Variants in MEF2B observed in about 807,000 individuals in gnomAD.
MEF2B encodes the protein myocyte-specific enhancer factor 2B.
MEF2B carries 15 observed loss-of-function variants against 32.2 expected under a neutral mutation model. That is an observed-to-expected ratio of 0.47 (90% CI 0.31 to 0.72). MEF2B has a LOEUF of 0.72. Among genes scored for constraint, MEF2B ranks in the 30% least tolerant of loss-of-function variants. MEF2B has a pLI of 0.05. For synonymous variants in MEF2B, 205 were observed against 225.6 expected, an observed-to-expected ratio of 0.91 and a Z score of 0.82; for missense variants, 441 against 511.5, an observed-to-expected ratio of 0.86 and a Z score of 1.33.
rs1275671239 is a variant in MEF2B at position 19,146,769 on chromosome 19, A to T, written c.648T>A (p.Ala216=). ...AGGTGTTTAGTCCCCCTCGGGGCCC[A>T]GCCAGGCCACCAGGCAGGTCTGACC... ...GRRSDLPGGL[A]GPRGGLNTSR... Residue 216 remains alanine, a synonymous_variant, in exon 6 of 9, where the codon GCT becomes GCA. Transcript: ENST00000424583. 6.2e-5 allele frequency: 100 copies of T among 1,613,846 alleles called. No individual in the cohort carries two copies. Among genetic ancestry groups the T allele is most frequent in the Non-Finnish European group, 8.1e-5 (95 of 1,179,930 alleles).
chr19:19,146,645 T>C lies in MEF2B; in HGVS notation c.679A>G (p.Ser227Gly), dbSNP rs1043654252. ...GPRGGLNTSR[S>G]LYSGLQNPCS... ...GGGTTCTGCAGGCCACTGTAGAGGC[T>C]TCTCTGTGCGGAGAGAGGGTGAAGG... is the stretch of plus-strand genomic sequence containing the variant. Residue 227 changes from serine to glycine, a missense_variant, in exon 7 of 9, where the codon AGC becomes GGC. Ser to Gly is a moderately conservative substitution (Grantham distance 56, BLOSUM62 0). This residue lies in a region of MEF2B where 326 missense variants were observed against 328.4 expected (regional missense o/e 0.99). Transcript: ENST00000424583. The C allele has an allele frequency of 1.2e-6, 2 of 1,613,302 alleles. No individual in the cohort carries two copies. Among genetic ancestry groups the C allele is most frequent in the African/African-American group, 2.7e-5 (2 of 74,998 alleles).
At chr19:19,167,226 C>T (rs1391314281) in intron 1 of MEF2B, among the ~76,000 whole-genome samples, 1 of 151,858 alleles carries the variant, frequency 6.6e-6, no homozygotes, top group Non-Finnish European at 1.5e-5. Context: ...TGGCACGCAC[C>T]TGTAATTCCA....
chr19:19,145,956 G>T lies in MEF2B; in HGVS notation c.948C>A (p.Val316=). ...GAGAGAGGCGCTCAGACTTGATGCT[G>T]ACTGGGGGGGTCGGCGGGGAGGCGC... ...TRGASPPTPP[V]SIKSERLSPA... Residue 316 remains valine (V), a synonymous_variant, in exon 9 of 9, where the codon GTC becomes GTA. Transcript: ENST00000424583. The surrounding 1 kb of genome is among the most constrained non-coding windows in gnomAD (Gnocchi z 4.6). 1 of 1,442,656 alleles carries T rather than the reference G, an allele frequency of 6.9e-7. No individual in the cohort carries two copies. The highest frequency in any genetic ancestry group is 9.1e-7 in the Non-Finnish European group (1 of 1,100,482). 89.4% of individuals were successfully genotyped at this position (1,442,656 alleles called of 1,614,324 possible).
At chr19:19,169,226 C>T (rs999926180) in intron 1 of MEF2B, among the ~76,000 whole-genome samples, 7 of 151,780 alleles carry the variant, frequency 4.6e-5, no homozygotes, top group African/African-American at 7.3e-5. Flanking sequence ...TAGTGGCACG[C>T]GCCTGTAATC....
chr19:19,155,482 A>G (rs2060113953), intron 1 of MEF2B, among the ~76,000 whole-genome samples: 1 of 152,150 alleles, frequency 6.6e-6, no homozygotes, highest in Admixed American at 6.5e-5. Flanking sequence ...CCAGGAATGG[A>G]CAGTAAGGTT....
chr19:19,150,182 G>GGAAGGAA (rs1568547570), intron 2 of MEF2B, among the ~76,000 whole-genome samples: 3 of 110,112 alleles, frequency 2.7e-5, no homozygotes, highest in African/African-American at 1.2e-4. Context: ...GAGGGAGGGA[G>GGAAGGAA]GGAAGGAAGG....
At chr19:19,149,177 A>G (rs757637475) in intron 3 of MEF2B, 49 bp downstream of exon 3, 2 of 1,601,618 alleles carry the variant, frequency 1.2e-6, no homozygotes, top group East Asian at 2.2e-5. Context: ...GCTCTGAGAA[A>G]GCAGCGTGCA....
At chr19:19,149,638 C>T (rs940031595) in intron 2 of MEF2B, among the ~76,000 whole-genome samples, 1 of 152,136 alleles carries the variant, frequency 6.6e-6, no homozygotes, top group Admixed American at 6.6e-5. Flanking sequence ...CTTGGCTTCC[C>T]AGGCAGAGTC....
intron 1 of MEF2B, among the ~76,000 whole-genome samples, chr19:19,161,963 A>T (rs573992406): frequency 6.6e-6 from 1 of 151,764 alleles, no homozygotes; most frequent in East Asian, 1.9e-4. Flanking sequence ...ATGCGCTACC[A>T]CACCCAGCTA....
chr19:19,162,408 C>T (rs565461746), intron 1 of MEF2B, among the ~76,000 whole-genome samples: 7 of 152,336 alleles, frequency 4.6e-5, no homozygotes, highest in East Asian at 1.9e-4. Context: ...GCTGGGATTA[C>T]GGGTGTGAGC....
At chr19:19,169,391 T>TG (rs898698687) in intron 1 of MEF2B, among the ~76,000 whole-genome samples, 4 of 151,028 alleles carry the variant, frequency 2.6e-5, no homozygotes, top group Non-Finnish European at 4.4e-5. Flanking sequence ...AAAAAGAAAA[T>TG]GGGGGTCTCA....
chr19:19,155,652 G>A (rs2146366956), intron 1 of MEF2B, among the ~76,000 whole-genome samples: 1 of 152,352 alleles, frequency 6.6e-6, no homozygotes, highest in Non-Finnish European at 1.5e-5. Context: ...TCGGGCCCAG[G>A]TGTGAAGGGC....
chr19:19,155,001 G>A (rs1027803911), intron 1 of MEF2B, among the ~76,000 whole-genome samples: 2 of 152,140 alleles, frequency 1.3e-5, no homozygotes, highest in African/African-American at 2.4e-5. Flanking sequence ...CTGGAGGCAG[G>A]CCTGACAGGT....
Position 19,146,824 on chromosome 19 carries a change from G to A in MEF2B, c.593C>T (p.Pro198Leu). ...CCCTTCCGTCGGCAGGTACAGTGGG[G>A]GTGGTGTCTTGCTGGTGAGGTGGCT... The part of the protein sequence containing the change: ...SPSHLTSKTP[P>L]PLYLPTEGRR... Residue 198 changes from proline (P) to leucine (L), a missense_variant, in exon 6 of 9, where the codon CCC becomes CTC. Pro to Leu is a moderately conservative substitution (Grantham distance 98). Around this residue, in one of 2 missense-constraint regions of MEF2B, gnomAD observed 326 missense variants for 328.4 expected, o/e 0.99. Coordinates refer to ENST00000424583, the MANE Select transcript of MEF2B (RefSeq NM_001145785.2). 2 of 1,613,914 alleles carry A rather than the reference G, an allele frequency of 1.2e-6. No individual in the cohort carries two copies. The highest frequency in any genetic ancestry group is 1.7e-6 in the Non-Finnish European group (2 of 1,179,922).
At position 19,146,636 on chromosome 19, in the gene MEF2B, T is replaced by C; in HGVS notation, c.688A>G (p.Ser230Gly). The change falls in exon 7 of 9, where the codon AGT becomes GGT. Residue 230 changes from serine to glycine, a missense_variant. By Grantham distance (56) the Ser-to-Gly change is moderately conservative (BLOSUM62 0). This residue lies in a region of MEF2B where 326 missense variants were observed against 328.4 expected (regional missense o/e 0.99). Transcript: ENST00000424583. ...GGLNTSRSLYSGLQNPCSTAT... is the reference protein window; with the variant it reads ...GGLNTSRSLYGGLQNPCSTAT... ...GTGGAGCAGGGGTTCTGCAGGCCAC[T>C]GTAGAGGCTTCTCTGTGCGGAGAGA... 1 of 1,612,988 alleles carries C rather than the reference T, an allele frequency of 6.2e-7. No individual in the cohort carries two copies. Among genetic ancestry groups the C allele is most frequent in the Admixed American group, 1.7e-5 (1 of 59,866 alleles).
At chr19:19,162,027 T>C (rs1186614213) in intron 1 of MEF2B, among the ~76,000 whole-genome samples, 1 of 152,096 alleles carries the variant, frequency 6.6e-6, no homozygotes, top group Admixed American at 6.6e-5. Context: ...AGGCTGGTCT[T>C]GAACTCCTGG....
chr19:19,168,647 G>A (rs2060229097), intron 1 of MEF2B, among the ~76,000 whole-genome samples: 1 of 151,392 alleles, frequency 6.6e-6, no homozygotes. Flanking sequence ...AGGCTGCAGT[G>A]CAGTAGCTCA....
At chr19:19,164,073 T>C (rs2060187990) in intron 1 of MEF2B, among the ~76,000 whole-genome samples, 1 of 152,098 alleles carries the variant, frequency 6.6e-6, no homozygotes, top group Non-Finnish European at 1.5e-5. Flanking sequence ...TTGAAGCGAT[T>C]CTCCTGCCTC....
intron 5 of MEF2B, 76 bp downstream of exon 5, chr19:19,146,960 C>T (rs2146351473): frequency 6.4e-7 from 1 of 1,564,242 alleles, no homozygotes; most frequent in South Asian, 1.2e-5. Flanking sequence ...ATGCACGCAG[C>T]CTGGCAATGC....
Sources: allele counts gnomAD v4.1 joint callset (sites outside exome capture counted in the v4.1 genomes callset), GRCh38; gene constraint gnomAD v4.1.1; regional missense constraint gnomAD v4.1.1; non-coding constraint Gnocchi (gnomAD v3.1); transcripts MANE v1.5; gene names NCBI Gene and HGNC (gene_info 2026-07-23, HGNC 2026-07-21).